PLOD3: variants seen among roughly 807,000 people sequenced by gnomAD.
PLOD3 encodes the protein multifunctional procollagen lysine hydroxylase and glycosyltransferase LH3.
Under a neutral mutation model 96.9 loss-of-function variants are expected in PLOD3, and 73 were observed. The ratio of observed to expected loss-of-function variants is 0.75; its 90% CI spans 0.62 to 0.92. PLOD3 has a LOEUF of 0.92. PLOD3 is among the 40% of genes least tolerant of loss of function. The probability of loss-of-function intolerance (pLI) is 0.00; values close to 1 mark genes in which losing one functional copy is unlikely to be tolerated. For missense variants in PLOD3, 1,004 were observed against 1,004.3 expected (o/e 1.00, Z 0.00); for synonymous variants, 454 against 413.7 (o/e 1.10, Z -1.18).
rs1172596690 is a variant in PLOD3 at position 101,216,676 on chromosome 7, G to A, written c.201+19C>T. 1.2e-6 allele frequency: 2 copies of A among 1,609,468 alleles called. No individual in the cohort carries two copies. The highest frequency in any genetic ancestry group is 1.3e-5 in the African/African-American group (1 of 74,792). ...CCTCCTGCTGGGACCCCCTCCCAGG[G>A]GCCTTTCCCTCTCCTCACCCGCACA... On this transcript the variant is annotated intron_variant, in intron 2 of 18. Coordinates refer to ENST00000223127, the MANE Select transcript of PLOD3 (RefSeq NM_001084.5).
In PLOD3 at chr7:101,210,330, C is replaced by G; in HGVS notation, c.1614+1G>C. On this transcript the variant is annotated splice_donor_variant, in intron 14 of 18. Transcript: ENST00000223127. LOFTEE classifies it high-confidence loss of function. The stretch of plus-strand genomic sequence containing the variant: ...GCTCTGGGCGTGGGGTCCCCACTCA[C>G]GACGGGGTTGTCGAAGATCTGCCAG... 1 of 1,611,880 alleles carries G rather than the reference C, an allele frequency of 6.2e-7. No homozygotes were observed. Among genetic ancestry groups the G allele is most frequent in the Non-Finnish European group, 8.5e-7 (1 of 1,178,016 alleles).
chr7:101,216,323 G>T lies in PLOD3; in HGVS notation c.342C>A (p.Tyr114Ter). The T allele has an allele frequency of 1.2e-6, 2 of 1,613,276 alleles. No individual in the cohort carries two copies. The highest frequency in any genetic ancestry group is 1.7e-6 in the Non-Finnish European group (2 of 1,180,036). The change falls in exon 4 of 19, where the codon TAC (tyrosine) becomes TAA (stop). Residue 114 changes from tyrosine to a stop codon, truncating the protein, a stop_gained. Coordinates refer to ENST00000223127, the MANE Select transcript of PLOD3 (RefSeq NM_001084.5). LOFTEE classifies it high-confidence loss of function. ...TGGGGCTGCCGGCCAGAATCACGTC[G>T]TAGCTGGGTGAGGAAGGGGAGGATG... ...EDMIIMFVDS[Y>*]DVILAGSPTE...
chr7:101,211,617 G>C lies in PLOD3; in HGVS notation c.1332C>G (p.Tyr444Ter). Residue 444 changes from tyrosine (Y) to a stop codon, truncating the protein, a stop_gained, in exon 12 of 19, where the codon TAC becomes TAG. Transcript: ENST00000223127. LOFTEE classifies it high-confidence loss of function. Reference sequence around the variant, plus strand: ...CTCGCTTCCGCTGCACCAGCTCCACGTAGTCCTCGGAGCGGGCGTAGTACT... The same window carrying C: ...CTCGCTTCCGCTGCACCAGCTCCACCTAGTCCTCGGAGCGGGCGTAGTACT... ...PDEYYARSED[Y>*]VELVQRKRVG... The C allele has an allele frequency of 1.2e-6, 2 of 1,605,310 alleles. No homozygotes were observed.
rs761983361 is a variant in PLOD3 at position 101,212,288 on chromosome 7, C to T, written c.1092G>A (p.Glu364=). 2.5e-6 allele frequency: 4 copies of T among 1,613,770 alleles called. No homozygotes were observed. The highest frequency in any genetic ancestry group is 2.2e-5 in the East Asian group (1 of 44,882). The stretch of plus-strand genomic sequence containing the variant: ...CCCTGGCCTCGCCTGGGCTCAGAGC[C>T]TCCTCCGGCCCCACGAGCTTCACAG... ...FSAVKLVGPE[E]ALSPGEARDM... The change falls in exon 10 of 19, where the codon GAG becomes GAA. Residue 364 remains glutamate (E), a synonymous_variant. Coordinates refer to ENST00000223127, the MANE Select transcript of PLOD3 (RefSeq NM_001084.5).
At chr7:101,213,645 T>TTTTTTG in intron 6 of PLOD3, 1 of 194,050 alleles carries the variant, frequency 5.2e-6, no homozygotes, top group Non-Finnish European at 1.1e-5. Context: ...GCCTTTCAGG[T>TTTTTTG]AGCTGAGACT....
chr7:101,209,861 G>T (rs1798153614), intron 15 of PLOD3: 3 of 499,676 alleles, frequency 6.0e-6, no homozygotes, highest in Non-Finnish European at 7.0e-6. Flanking sequence ...TTTAAGATGT[G>T]ATTTCAAGCA....
At chr7:101,215,060 C>T (rs763853703) in intron 6 of PLOD3, 29 bp downstream of exon 6, 20 of 1,558,514 alleles carry the variant, frequency 1.3e-5, no homozygotes, top group Admixed American at 1.7e-5. Context: ...GGCTGCGCAT[C>T]GCCCACCTGC....
Position 101,206,348 on chromosome 7 carries a change from T to C in PLOD3, c.2150A>G (p.His717Arg), listed in dbSNP as rs765084518. The C allele has an allele frequency of 6.2e-7, 1 of 1,613,826 alleles. No homozygotes were observed. The highest frequency in any genetic ancestry group is 8.5e-7 in the Non-Finnish European group (1 of 1,179,850). ...GGTCGTTGGCAGCCCCTCGTGGTAG[T>C]GGGTGAGGCGGCCGGGGTGCAGGAG... ...WALLHPGRLT[H>R]YHEGLPTTWG... Residue 717 changes from histidine to arginine, a missense_variant, in exon 19 of 19, where the codon CAC (histidine) becomes CGC (arginine). Around this residue, in one of 5 missense-constraint regions of PLOD3, gnomAD observed 222 missense variants for 220.4 expected, o/e 1.01. Coordinates refer to ENST00000223127, the MANE Select transcript of PLOD3 (RefSeq NM_001084.5).
At position 101,210,513 on chromosome 7, in the gene PLOD3, A is replaced by C. The variant is rs1232078875; in HGVS notation, c.1500+19T>G. 3 of 1,614,128 alleles carry C rather than the reference A, an allele frequency of 1.9e-6. No homozygotes were observed. The highest frequency in any genetic ancestry group is 2.5e-6 in the Non-Finnish European group (3 of 1,180,014). On this transcript the variant is annotated intron_variant, in intron 13 of 18. Coordinates refer to ENST00000223127, the MANE Select transcript of PLOD3 (RefSeq NM_001084.5). ...GTCTGGGGGACTGCCCCCAGGCCAG[A>C]CCGTGCACCCGCGCTCACCTTGTCT...
In PLOD3 at chr7:101,214,047, C is replaced by T. The variant is rs1798230443; in HGVS notation, c.680-843G>A. Reference sequence around the variant, plus strand: ...ACTGGGTTTCACTATGTCAGCCAGGCTGGTCTCAAACTTCTGACTTCATGA... The same window carrying T: ...ACTGGGTTTCACTATGTCAGCCAGGTTGGTCTCAAACTTCTGACTTCATGA... On this transcript the variant is annotated intron_variant, in intron 6 of 18. Transcript: ENST00000223127. Among the ~76,000 whole-genome samples the T allele has an allele frequency of 2.0e-5, 3 of 151,908 alleles. No homozygotes were observed. The South Asian group carries it at 6.2e-4, about 32-fold the overall frequency.
chr7:101,211,444 G>A (rs1798178783), intron 12 of PLOD3, 147 bp downstream of exon 12: 5 of 761,274 alleles, frequency 6.6e-6, no homozygotes. Flanking sequence ...GCCTCCCAAA[G>A]TGGTGGCATC....
intron 6 of PLOD3, among the ~76,000 whole-genome samples, chr7:101,214,188 G>T (rs561928835): frequency 6.6e-6 from 1 of 151,170 alleles, no homozygotes; most frequent in African/African-American, 2.4e-5. Context: ...GTGCAGTGGC[G>T]CAATCTCGGC....
Position 101,206,065 on chromosome 7 carries a change from C to T in PLOD3, c.*216G>A. 1 of 631,844 alleles carries T rather than the reference C, an allele frequency of 1.6e-6. No homozygotes were observed. Among genetic ancestry groups the T allele is most frequent in the South Asian group, 1.8e-5 (1 of 54,874 alleles). 39.1% of individuals were successfully genotyped at this position (631,844 alleles called of 1,614,324 possible). On this transcript the variant is annotated 3_prime_UTR_variant, in exon 19 of 19. Transcript: ENST00000223127. The stretch of plus-strand genomic sequence containing the variant: ...GGGGAGTCCCCAGAAGCCCTGTGCC[C>T]ACGAACCCCTGTGGGCGGAGGAGAG...
chr7:101,212,712 C>A (rs2116805187), intron 8 of PLOD3, 57 bp from the exon 9 acceptor site: 2 of 1,608,902 alleles, frequency 1.2e-6, no homozygotes, highest in Middle Eastern at 4.3e-4. Flanking sequence ...CTGCTGCCCC[C>A]ACCCAACCTC....
chr7:101,211,716 C>T lies in PLOD3; in HGVS notation c.1233G>A (p.Arg411=). The change falls in exon 12 of 19, where the codon AGG becomes AGA. Residue 411 remains arginine (R), a splice_region_variant and synonymous_variant. Coordinates refer to ENST00000223127, the MANE Select transcript of PLOD3 (RefSeq NM_001084.5). ...QTLRILIEEN[R]KVIAPMLSRH... ...GGGACAGCATGGGGGCGATCACCTT[C>T]CTGCGGACAGGTGGGGGTGAGGGCT... is the stretch of plus-strand genomic sequence containing the variant. The T allele has an allele frequency of 1.2e-6, 2 of 1,602,752 alleles. No homozygotes were observed. The highest frequency in any genetic ancestry group is 1.7e-6 in the Non-Finnish European group (2 of 1,175,500).
In PLOD3 at chr7:101,215,979, G is replaced by C; in HGVS notation, c.544C>G (p.Gln182Glu). The C allele has an allele frequency of 6.2e-7, 1 of 1,614,104 alleles. No individual in the cohort carries two copies. The highest frequency in any genetic ancestry group is 8.5e-7 in the Non-Finnish European group (1 of 1,180,000). Residue 182 changes from glutamine to glutamate, a missense_variant, in exon 5 of 19, where the codon CAG becomes GAG. Gln to Glu is a conservative substitution (Grantham distance 29, BLOSUM62 2). This residue lies in a region of PLOD3 where 690 missense variants were observed against 650.2 expected (regional missense o/e 1.06). Transcript: ENST00000223127. ...FATTIHQIVR[Q>E]WKYKDDDDDQ... ...TCGTCATCATCCTTGTACTTCCACT[G>C]GCGCACGATTTGGTGGATGGTGGTG... is the stretch of plus-strand genomic sequence containing the variant.
Position 101,210,450 on chromosome 7 carries a change from G to A in PLOD3, c.1501-6C>T. On this transcript the variant is annotated splice_polypyrimidine_tract_variant and splice_region_variant and intron_variant, in intron 13 of 18. Coordinates refer to ENST00000223127, the MANE Select transcript of PLOD3 (RefSeq NM_001084.5). The stretch of plus-strand genomic sequence containing the variant: ...CTCAGATGGAGGAAGATGCCCTGTA[G>A]TGGGGTGGGGGTGTCCGTGATGCAG... The A allele has an allele frequency of 6.2e-7, 1 of 1,614,014 alleles. No homozygotes were observed.
intron 6 of PLOD3, chr7:101,213,600 T>A (rs1049700370): frequency 1.9e-5 from 4 of 212,452 alleles, no homozygotes; most frequent in Admixed American, 5.3e-5. Flanking sequence ...CACTGCAACC[T>A]CTGCCTCCTG....
chr7:101,212,672 G>C lies in PLOD3; in HGVS notation c.880-17C>G. 2 of 1,613,300 alleles carry C rather than the reference G, an allele frequency of 1.2e-6. No individual in the cohort carries two copies. Among genetic ancestry groups the C allele is most frequent in the Non-Finnish European group, 1.7e-6 (2 of 1,179,916 alleles). On this transcript the variant is annotated splice_polypyrimidine_tract_variant and intron_variant, in intron 8 of 18. Transcript: ENST00000223127. The stretch of plus-strand genomic sequence containing the variant: ...GGGGGGAGGCTGGAAGATGCAACAC[G>C]CAGGGACTCAGAGAGAAGCCCGGAC...
Sources: gnomAD v4.1 joint callset for allele counts (sites outside exome capture counted in the v4.1 genomes callset) on GRCh38, gnomAD v4.1.1 for gene constraint, gnomAD v4.1.1 regional missense constraint, MANE v1.5 for transcripts, NCBI Gene and HGNC (gene_info 2026-07-23, HGNC 2026-07-21) for gene names.